The following LHFPL6 variants were observed in gnomAD, a reference collection of about 807,000 sequenced individuals.
The protein encoded by LHFPL6 is LHFPL tetraspan subfamily member 6.
LHFPL6 carries 9 observed loss-of-function variants against 20.6 expected under a neutral mutation model. That is an observed-to-expected ratio of 0.44 (90% confidence interval 0.26 to 0.76). The LOEUF is 0.76. Among genes scored for constraint, LHFPL6 ranks in the 30% least tolerant of loss-of-function variants. The pLI, the probability that LHFPL6 is intolerant of heterozygous loss-of-function variation, is 0.20. For synonymous variants in LHFPL6, 105 were observed against 98.7 expected (o/e 1.06, Z -0.38); for missense variants, 218 against 253.5 (o/e 0.86, Z 0.95).
intron 2 of LHFPL6, among the ~76,000 whole-genome samples, chr13:39,548,013 G>A (rs540647897): frequency 2.6e-5 from 4 of 152,078 alleles, no homozygotes; most frequent in East Asian, 1.9e-4. Context: ...TTTAAAGGTC[G>A]TAAAACTCAG....
At chr13:39,420,783 C>T (rs142929935) in intron 2 of LHFPL6, among the ~76,000 whole-genome samples, 160 of 152,220 alleles carry the variant, frequency 1.1e-3, no homozygotes, top group African/African-American at 3.2e-3. Flanking sequence ...GGTATGCTGT[C>T]GCAAACAACA....
At chr13:39,351,679 A>G (rs1869571514) in intron 3 of LHFPL6, among the ~76,000 whole-genome samples, 1 of 152,206 alleles carries the variant, frequency 6.6e-6, no homozygotes, top group Admixed American at 6.5e-5. Flanking sequence ...CTAGCTTAAT[A>G]GGCAGACAAG....
chr13:39,511,536 A>G (rs1332061471), intron 2 of LHFPL6, among the ~76,000 whole-genome samples: 1 of 152,140 alleles, frequency 6.6e-6, no homozygotes, highest in East Asian at 1.9e-4. Context: ...AGCAGTAAAC[A>G]AAGGATTCAA....
At chr13:39,461,299 C>A (rs1476844355) in intron 2 of LHFPL6, among the ~76,000 whole-genome samples, 1 of 152,064 alleles carries the variant, frequency 6.6e-6, no homozygotes, top group African/African-American at 2.4e-5. Context: ...GATGAACACA[C>A]GTGTGCATGT....
Position 39,545,043 on chromosome 13 carries a change from C to A in LHFPL6, c.385+55789G>T, listed in dbSNP as rs537993197. Among the ~76,000 whole-genome samples the A allele has an allele frequency of 2.0e-5, 3 of 151,630 alleles. No individual in the cohort carries two copies. The South Asian group carries it at 6.3e-4, about 32-fold the overall frequency. On this transcript the variant is annotated intron_variant, in intron 2 of 3. Transcript: ENST00000379589. ...AGATCACGAGGTCAGGAGATCGAGACCATCCTGGCTAACATGGTGAAACCC... is the reference window on the plus strand; with the variant it reads ...AGATCACGAGGTCAGGAGATCGAGAACATCCTGGCTAACATGGTGAAACCC...
chr13:39,478,432 A>C (rs1383969622), intron 2 of LHFPL6, among the ~76,000 whole-genome samples: 1 of 152,182 alleles, frequency 6.6e-6, no homozygotes. Flanking sequence ...TAGTTTGCAT[A>C]TTGATAGCAC....
rs538278977 is a variant in LHFPL6 at position 39,484,550 on chromosome 13, C to T, written c.386-106024G>A. Among the ~76,000 whole-genome samples, 5 of 152,276 alleles carry T rather than the reference C, an allele frequency of 3.3e-5. No individual in the cohort carries two copies. The South Asian group carries it at 8.3e-4, about 25-fold the overall frequency. ...CTCTCTCTTTCCTTTGCTCCCCTCC[C>T]TTTCTTTTTATCTACCCTCCTTTAT... On this transcript the variant is annotated intron_variant, in intron 2 of 3. Transcript: ENST00000379589.
At chr13:39,574,210 C>T (rs554826566) in intron 2 of LHFPL6, among the ~76,000 whole-genome samples, 21 of 152,292 alleles carry the variant, frequency 1.4e-4, no homozygotes, top group East Asian at 9.6e-4. Context: ...AGGCCGGGCG[C>T]GGTGGCTCAC....
chr13:39,389,690 CATATGATGACAGAAGATGTTCT>C (rs1452080630), intron 2 of LHFPL6, among the ~76,000 whole-genome samples: 3 of 152,162 alleles, frequency 2.0e-5, no homozygotes, highest in Admixed American at 2.0e-4. Context: ...GTTATGTTTG[CATATGATGACAGAAGATGTTCT>C]ATAGGAGATC....
At chr13:39,551,295 A>G (rs1871139452) in intron 2 of LHFPL6, among the ~76,000 whole-genome samples, 1 of 152,102 alleles carries the variant, frequency 6.6e-6, no homozygotes, top group South Asian at 2.1e-4. Flanking sequence ...GAAGTGAGTG[A>G]GACAGGGCAA....
chr13:39,542,509 G>A (rs951404610), intron 2 of LHFPL6, among the ~76,000 whole-genome samples: 2 of 152,084 alleles, frequency 1.3e-5, no homozygotes, highest in African/African-American at 4.8e-5. Flanking sequence ...TTGGCTCATC[G>A]CTCCACTGTG....
chr13:39,373,272 G>A (rs915622523), intron 3 of LHFPL6, among the ~76,000 whole-genome samples: 1 of 152,164 alleles, frequency 6.6e-6, no homozygotes, highest in Non-Finnish European at 1.5e-5. Flanking sequence ...TCCACAGACT[G>A]GTTTCTCTGC....
At chr13:39,512,681 T>C (rs1048222232) in intron 2 of LHFPL6, among the ~76,000 whole-genome samples, 1 of 152,152 alleles carries the variant, frequency 6.6e-6, no homozygotes, top group Non-Finnish European at 1.5e-5. Flanking sequence ...CCAGTTCTGT[T>C]CCCTTCTTAA....
intron 2 of LHFPL6, among the ~76,000 whole-genome samples, chr13:39,439,067 C>T (rs953220146): frequency 6.6e-6 from 1 of 152,166 alleles, no homozygotes; most frequent in African/African-American, 2.4e-5. Context: ...ACAGCTTGCA[C>T]CATGTGCCTG....
At chr13:39,414,532 G>A (rs562998648) in intron 2 of LHFPL6, among the ~76,000 whole-genome samples, 2 of 152,314 alleles carry the variant, frequency 1.3e-5, no homozygotes, top group South Asian at 4.1e-4. Context: ...TTGAGGTAGA[G>A]CAAGGGCCCC....
At chr13:39,384,424 T>C (rs1055227450) in intron 2 of LHFPL6, among the ~76,000 whole-genome samples, 9 of 152,212 alleles carry the variant, frequency 5.9e-5, no homozygotes, top group Non-Finnish European at 1.5e-5. Context: ...TATACTGAAG[T>C]ACTATTTTGT....
chr13:39,511,074 T>A (rs1172441092), intron 2 of LHFPL6, among the ~76,000 whole-genome samples: 1 of 152,106 alleles, frequency 6.6e-6, no homozygotes, highest in Non-Finnish European at 1.5e-5. Flanking sequence ...AGTTTCACCA[T>A]GTTGGCCAGG....
intron 2 of LHFPL6, among the ~76,000 whole-genome samples, chr13:39,560,504 C>CTTTTTTTTTTTTTTTTTTTTTTTTT (rs376446144): frequency 4.2e-5 from 5 of 118,178 alleles, no homozygotes; most frequent in Non-Finnish European, 5.0e-5. Context: ...TGCAAATTCT[C>CTTTTTTTTTTTTTTTTTTTTTTTTT]TTTTTTTTTT....
At chr13:39,498,403 T>A (rs1236608385) in intron 2 of LHFPL6, among the ~76,000 whole-genome samples, 1 of 152,186 alleles carries the variant, frequency 6.6e-6, no homozygotes, top group Non-Finnish European at 1.5e-5. Context: ...TTTGTTAAAG[T>A]ACTTCAAATG....
Sources: allele counts gnomAD v4.1 joint callset (sites outside exome capture counted in the v4.1 genomes callset), GRCh38; gene constraint gnomAD v4.1.1; transcripts MANE v1.5; gene names NCBI Gene and HGNC (gene_info 2026-07-23, HGNC 2026-07-21).